The following LUZP2 variants were observed in gnomAD, a reference collection of about 807,000 sequenced individuals.
The protein encoded by LUZP2 is leucine zipper protein 2.
In LUZP2, 52 loss-of-function variants were observed where a neutral mutation model predicts 51.6. The ratio of observed to expected loss-of-function variants is 1.01; its 90% CI spans 0.81 to 1.27. LUZP2 has a LOEUF of 1.27. Ranked by LOEUF, LUZP2 falls within the 50% of genes most tolerant of loss-of-function variation. The pLI, the probability that LUZP2 is intolerant of heterozygous loss-of-function variation, is 0.00. For synonymous variants in LUZP2, 154 were observed against 137.3 expected (o/e 1.12, Z -0.85); for missense variants, 436 against 395.4 (o/e 1.10, Z -0.87).
At chr11:24,655,979 A>T (rs1349375028) in intron 1 of LUZP2, among the ~76,000 whole-genome samples, 1 of 152,206 alleles carries the variant, frequency 6.6e-6, no homozygotes, top group Non-Finnish European at 1.5e-5. Flanking sequence ...GGAATATTAA[A>T]GCATTTGCCT....
intron 1 of LUZP2, among the ~76,000 whole-genome samples, chr11:24,598,618 G>T (rs974287321): frequency 1.3e-5 from 2 of 152,118 alleles, no homozygotes; most frequent in East Asian, 3.9e-4. Flanking sequence ...CTTTCATATG[G>T]TCCCTGAAAA....
chr11:24,527,602 T>C (rs902276239), intron 1 of LUZP2, among the ~76,000 whole-genome samples: 10 of 127,616 alleles, frequency 7.8e-5, no homozygotes, highest in Non-Finnish European at 1.7e-4. Context: ...CACACACATT[T>C]ATTTGTTGGC....
chr11:24,970,046 A>G (rs1484910363), intron 7 of LUZP2, among the ~76,000 whole-genome samples: 2 of 152,168 alleles, frequency 1.3e-5, no homozygotes, highest in African/African-American at 4.8e-5. Flanking sequence ...TGAATTATAA[A>G]ATCTGTTAGA....
chr11:24,904,402 C>T (rs180775547), intron 5 of LUZP2, among the ~76,000 whole-genome samples: 5,043 of 152,144 alleles, frequency 0.033, 110 homozygotes, highest in Non-Finnish European at 0.045. Flanking sequence ...CCTGCCTCAG[C>T]CTCCCGAGTA....
In LUZP2 at chr11:24,958,476, T is replaced by A. The variant is rs568900428; in HGVS notation, c.523-18115T>A. On this transcript the variant is annotated intron_variant, in intron 7 of 11. Transcript: ENST00000336930. ...GGTGTGAGATGATAACTCATTGTGGTTTTGATTTGCATTTCTCTGATGGCC... is the reference window on the plus strand; with the variant it reads ...GGTGTGAGATGATAACTCATTGTGGATTTGATTTGCATTTCTCTGATGGCC... 2.2e-4 allele frequency among the ~76,000 whole-genome samples: 34 copies of A among 152,304 alleles called. 1 individual carries two copies. In the East Asian group the frequency reaches 6.6e-3, roughly 29 times the overall value.
At chr11:25,057,932 A>G (rs1858734568) in intron 10 of LUZP2, among the ~76,000 whole-genome samples, 1 of 152,150 alleles carries the variant, frequency 6.6e-6, no homozygotes, top group Non-Finnish European at 1.5e-5. Context: ...TGGCTGAGAT[A>G]TAAGAAATCT....
chr11:25,073,449 T>A (rs1476876344), intron 10 of LUZP2, among the ~76,000 whole-genome samples: 4 of 152,220 alleles, frequency 2.6e-5, no homozygotes, highest in African/African-American at 4.8e-5. Flanking sequence ...TTCCTTTGTG[T>A]CCTGGCTTCT....
rs1856281884 is a variant in LUZP2, at chr11:24,668,229, CTTTG to C, written c.63-60935_63-60932del. 2.0e-5 allele frequency among the ~76,000 whole-genome samples: 3 copies of C among 152,116 alleles called. No homozygotes were observed. In the South Asian group the frequency reaches 6.2e-4, roughly 31 times the overall value. ...TCACATGCTGGTACTTATCTGGAATCTTTGTTTGGAAATAAAACAAACTAATCTC... is the reference window on the plus strand; with the variant it reads ...TCACATGCTGGTACTTATCTGGAATCTTTGGAAATAAAACAAACTAATCTC... On this transcript the variant is annotated intron_variant, in intron 1 of 11. Coordinates refer to ENST00000336930, the MANE Select transcript of LUZP2 (RefSeq NM_001009909.4).
At chr11:24,999,944 G>T (rs1052240866) in intron 9 of LUZP2, among the ~76,000 whole-genome samples, 8 of 152,170 alleles carry the variant, frequency 5.3e-5, no homozygotes, top group African/African-American at 1.9e-4. Context: ...TGTGGAAGGG[G>T]ACCAGAGTGG....
At chr11:24,630,453 C>T (rs1005726813) in intron 1 of LUZP2, among the ~76,000 whole-genome samples, 3 of 152,002 alleles carry the variant, frequency 2.0e-5, no homozygotes, top group African/African-American at 7.2e-5. Context: ...GGTGTCTTTT[C>T]TACAATGTAT....
chr11:24,949,946 G>C (rs1482287549), intron 7 of LUZP2, among the ~76,000 whole-genome samples: 5 of 144,244 alleles, frequency 3.5e-5, no homozygotes, highest in Non-Finnish European at 6.0e-5. Flanking sequence ...TGCTCCCCCC[G>C]CCCTTTTTCT....
chr11:24,584,850 A>AG (rs1302077689), intron 1 of LUZP2, among the ~76,000 whole-genome samples: 4 of 152,198 alleles, frequency 2.6e-5, no homozygotes, highest in Non-Finnish European at 2.9e-5. Context: ...CTAACTGGCC[A>AG]GCAACCTCAC....
intron 7 of LUZP2, among the ~76,000 whole-genome samples, chr11:24,949,324 CTATCTA>C (rs1855006641): frequency 5.9e-4 from 23 of 39,208 alleles, no homozygotes; most frequent in South Asian, 3.7e-3. Flanking sequence ...ATCTATCTAT[CTATCTA>C]TCTCTCTATC....
At chr11:25,019,364 CACAGTTT>C (rs1369415662) in intron 9 of LUZP2, among the ~76,000 whole-genome samples, 5 of 151,980 alleles carry the variant, frequency 3.3e-5, no homozygotes, top group Non-Finnish European at 5.9e-5. Flanking sequence ...CAAAAGGTGA[CACAGTTT>C]AACTTTTTGT....
intron 5 of LUZP2, among the ~76,000 whole-genome samples, chr11:24,903,311 A>G (rs548457370): frequency 6.6e-6 from 1 of 152,352 alleles, no homozygotes; most frequent in Non-Finnish European, 1.5e-5. Context: ...AACAAATCAG[A>G]ATAACTTCCT....
chr11:25,020,317 T>A (rs940820739), intron 9 of LUZP2, among the ~76,000 whole-genome samples: 9 of 152,114 alleles, frequency 5.9e-5, no homozygotes, highest in Admixed American at 5.2e-4. Context: ...AGAAAGACCA[T>A]CTTCCATTTG....
chr11:24,840,469 T>G (rs1850994502), intron 5 of LUZP2, among the ~76,000 whole-genome samples: 1 of 151,932 alleles, frequency 6.6e-6, no homozygotes, highest in Admixed American at 6.6e-5. Flanking sequence ...GATGGTCCTC[T>G]TTTGTAGATG....
chr11:24,802,926 T>A (rs1444364249), intron 5 of LUZP2, among the ~76,000 whole-genome samples: 4 of 152,076 alleles, frequency 2.6e-5, no homozygotes, highest in Non-Finnish European at 1.5e-5. Flanking sequence ...TACCAGACGC[T>A]GAATCTCCTG....
chr11:24,789,844 C>T (rs965070060), intron 5 of LUZP2, among the ~76,000 whole-genome samples: 1 of 152,170 alleles, frequency 6.6e-6, no homozygotes, highest in Non-Finnish European at 1.5e-5. Flanking sequence ...GCTCTATCCT[C>T]AGGATCTAAT....
Sources: allele counts gnomAD v4.1 joint callset (sites outside exome capture counted in the v4.1 genomes callset), GRCh38; gene constraint gnomAD v4.1.1; transcripts MANE v1.5; gene names NCBI Gene and HGNC (gene_info 2026-07-23, HGNC 2026-07-21).